Variants in CD82 observed in about 807,000 individuals in gnomAD.
The protein encoded by CD82 is CD82 antigen.
A neutral mutation model predicts 37.4 loss-of-function variants in CD82; 36 were observed. The observed-to-expected ratio is 0.96, with a 90% CI of 0.74 to 1.27. The LOEUF (loss-of-function observed/expected upper bound fraction) is 1.27, where lower values mean the gene tolerates loss of function less well. Ranked by LOEUF, CD82 falls within the 50% of genes most tolerant of loss-of-function variation. The pLI, the probability that CD82 is intolerant of heterozygous loss-of-function variation, is 0.00. For synonymous variants in CD82, 158 were observed against 137.4 expected (o/e 1.15, Z -1.05); for missense variants, 340 against 347.0 (o/e 0.98, Z 0.16).
chr11:44,600,072 C>T (rs1362402554), intron 3 of CD82, 86 bp from the exon 4 acceptor site: 3 of 1,382,230 alleles, frequency 2.2e-6, no homozygotes, highest in Non-Finnish European at 3.1e-6. Flanking sequence ...CTGCCCTGCC[C>T]ACCCTGACTT....
intron 2 of CD82, 28 bp from the exon 3 acceptor site, chr11:44,594,615 A>G (rs909812769): frequency 9.6e-6 from 14 of 1,457,686 alleles, no homozygotes; most frequent in Admixed American, 1.7e-5. Context: ...TGATCCCCTC[A>G]CTGGCCTGCC....
At chr11:44,592,806 C>T (rs1853164508) in intron 2 of CD82, among the ~76,000 whole-genome samples, 1 of 152,152 alleles carries the variant, frequency 6.6e-6, no homozygotes, top group South Asian at 2.1e-4. Context: ...CAGACCCAGG[C>T]CTTGGAGCCC....
chr11:44,566,477 T>A (rs1331366220), intron 1 of CD82: 1 of 152,330 alleles, frequency 6.6e-6, no homozygotes, highest in Non-Finnish European at 1.5e-5. Context: ...GGGGTTAATT[T>A]CTTGGCTGAC....
chr11:44,594,776 A>G, intron 3 of CD82, 51 bp downstream of exon 3: 1 of 1,484,516 alleles, frequency 6.7e-7, no homozygotes, highest in Non-Finnish European at 9.4e-7. Context: ...TTCTCCTTCC[A>G]GGGGCATCCC....
At chr11:44,588,213 T>TTTTTTTTG (rs1554966297) in intron 2 of CD82, among the ~76,000 whole-genome samples, 1 of 125,450 alleles carries the variant, frequency 8.0e-6, no homozygotes, top group Non-Finnish European at 1.6e-5. Context: ...TTTGGGGTTT[T>TTTTTTTTG]TTTTTTGTTT....
intron 7 of CD82, among the ~76,000 whole-genome samples, chr11:44,617,404 C>T (rs1219212642): frequency 6.6e-6 from 1 of 151,990 alleles, no homozygotes; most frequent in African/African-American, 2.4e-5. Context: ...ACTAAAAATA[C>T]AAACATTAGC....
intron 6 of CD82, among the ~76,000 whole-genome samples, chr11:44,614,455 G>A (rs1043874832): frequency 7.2e-5 from 11 of 152,208 alleles, no homozygotes; most frequent in Non-Finnish European, 1.0e-4. Context: ...CAGCATTCAC[G>A]TACCCCACAC....
At chr11:44,612,229 T>G (rs1853492806) in intron 6 of CD82, among the ~76,000 whole-genome samples, 1 of 152,204 alleles carries the variant, frequency 6.6e-6, no homozygotes, top group Admixed American at 6.5e-5. Flanking sequence ...GCTTAATAGG[T>G]AAAAACCTGG....
chr11:44,577,841 G>A (rs1337102302), intron 1 of CD82, among the ~76,000 whole-genome samples: 7 of 152,178 alleles, frequency 4.6e-5, no homozygotes, highest in Admixed American at 3.9e-4. Flanking sequence ...TGAGTAGGGC[G>A]CCGGGTTGGG....
At chr11:44,603,372 G>A (rs968477121) in intron 4 of CD82, among the ~76,000 whole-genome samples, 6 of 152,150 alleles carry the variant, frequency 3.9e-5, no homozygotes, top group African/African-American at 1.4e-4. Flanking sequence ...GGGCACTAAC[G>A]CCCCTTGGGG....
At chr11:44,565,111 C>T (rs529629786), upstream of CD82, among the ~76,000 whole-genome samples, 1 of 152,360 alleles carries the variant, frequency 6.6e-6, no homozygotes, top group East Asian at 1.9e-4. Context: ...ATACACCCGC[C>T]CTGGAATGCC....
intron 6 of CD82, among the ~76,000 whole-genome samples, chr11:44,613,990 GTTGTTGTTGTTT>G (rs111737551): frequency 0.15 from 21,998 of 151,264 alleles, 2,496 homozygotes; most frequent in East Asian, 0.47. Context: ...TTTGTTTTTT[GTTGTTGTTGTTT>G]TTGTTGTTGT....
chr11:44,605,511 AC>A (rs749321014), intron 6 of CD82, 82 bp downstream of exon 6: 29 of 1,300,770 alleles, frequency 2.2e-5, no homozygotes, highest in Non-Finnish European at 2.8e-5. Context: ...TGGACAAGGA[AC>A]CCCCCCAGTT....
At chr11:44,592,736 T>C (rs115447411) in intron 2 of CD82, among the ~76,000 whole-genome samples, 1 of 152,342 alleles carries the variant, frequency 6.6e-6, no homozygotes, top group African/African-American at 2.4e-5. Flanking sequence ...TCTCTAGGTC[T>C]GGGGAGTTGC....
intron 1 of CD82, among the ~76,000 whole-genome samples, chr11:44,578,445 C>T (rs1160890420): frequency 6.6e-6 from 1 of 152,148 alleles, no homozygotes; most frequent in East Asian, 1.9e-4. Flanking sequence ...AGCACCTTTC[C>T]TTCTCACCTC....
intron 6 of CD82, 67 bp from the exon 7 acceptor site, chr11:44,615,205 A>G (rs1853544082): frequency 9.8e-7 from 1 of 1,020,350 alleles, no homozygotes; most frequent in Non-Finnish European, 1.6e-6. Flanking sequence ...CAGTTTAAGT[A>G]GGGGTGACCA....
rs535440184 is a variant in CD82 at position 44,580,455 on chromosome 11, C to T, written c.-102-7020C>T. 1.4e-4 allele frequency among the ~76,000 whole-genome samples: 22 copies of T among 152,284 alleles called. No homozygotes were observed. In the South Asian group the frequency reaches 3.5e-3, roughly 24 times the overall value. ...TAGGAAAGGGTAGACAGGCCAGGCG[C>T]GGTGGCTCACGCCGTAATCCCAGCA... On this transcript the variant is annotated intron_variant, in intron 1 of 9. Transcript: ENST00000227155.
chr11:44,578,753 G>T (rs528700380), intron 1 of CD82, among the ~76,000 whole-genome samples: 1 of 152,132 alleles, frequency 6.6e-6, no homozygotes, highest in Non-Finnish European at 1.5e-5. Flanking sequence ...GGATGGCTAG[G>T]TCCAGGACTG....
In CD82 at chr11:44,605,178, G is replaced by A; in HGVS notation, c.257G>A (p.Gly86Glu). ...GTCAACGAGGTCCGCTGCCTGCTGG[G>A]GCTGGTGAGTACGGATCCCTCCGCA... ...GAVNEVRCLL[G>E]LYFAFLLLIL... is the part of the protein sequence containing the mutation. The change falls in exon 5 of 10, where the codon GGG becomes GAG. Residue 86 changes from glycine (G) to glutamate (E), a missense_variant. Coordinates refer to ENST00000227155, the MANE Select transcript of CD82 (RefSeq NM_002231.4). The A allele has an allele frequency of 6.2e-7, 1 of 1,613,996 alleles. No individual in the cohort carries two copies. The highest frequency in any genetic ancestry group is 8.5e-7 in the Non-Finnish European group (1 of 1,179,990).
Sources: gnomAD v4.1 joint callset for allele counts (sites outside exome capture counted in the v4.1 genomes callset) on GRCh38, gnomAD v4.1.1 for gene constraint, MANE v1.5 for transcripts, NCBI Gene and HGNC (gene_info 2026-07-23, HGNC 2026-07-21) for gene names.